The following RIN3 variants were observed in gnomAD, a reference collection of about 807,000 sequenced individuals.
The protein encoded by RIN3 is RAB5 interacting protein 3.
Under a neutral mutation model 76.3 loss-of-function variants are expected in RIN3, and 54 were observed. The ratio of observed to expected loss-of-function variants is 0.71; its 90% CI spans 0.57 to 0.89. RIN3 has a LOEUF of 0.89. Ranked by LOEUF, RIN3 falls within the 40% of genes least tolerant of loss-of-function variation. The pLI, the probability that RIN3 is intolerant of heterozygous loss-of-function variation, is 0.00. For synonymous variants in RIN3, 576 were observed against 564.0 expected, an observed-to-expected ratio of 1.02 and a Z score of -0.30; for missense variants, 1,256 against 1,322.1, an observed-to-expected ratio of 0.95 and a Z score of 0.78.
intron 3 of RIN3, among the ~76,000 whole-genome samples, chr14:92,580,753 G>A (rs1898408775): frequency 6.6e-6 from 1 of 152,218 alleles, no homozygotes; most frequent in South Asian, 2.1e-4. Context: ...GGGGGAAAGA[G>A]CATGGAGAAG....
intron 2 of RIN3, among the ~76,000 whole-genome samples, chr14:92,573,848 A>G (rs1008303099): frequency 7.2e-5 from 11 of 152,180 alleles, no homozygotes; most frequent in Non-Finnish European, 1.2e-4. Flanking sequence ...GAAATACACC[A>G]TGTCCTGGTG....
In RIN3 at chr14:92,513,962, C is replaced by A; in HGVS notation, c.30C>A (p.Arg10=). The A allele has an allele frequency of 1.6e-6, 2 of 1,243,350 alleles. No individual in the cohort carries two copies. Among genetic ancestry groups the A allele is most frequent in the Non-Finnish European group, 2.0e-6 (2 of 993,954 alleles). The allele number at this position is 1,243,350 out of a possible 1,614,324, so 77.0% of individuals were successfully genotyped here. A position where few individuals can be genotyped will look rare whatever the true frequency, so the allele number is the denominator to read the frequency against. ...TCCGACACGCCGGGGCGCCCGCGCG[C>A]GGGGACCCCACGGGGTAAGTCCGGG... MIRHAGAPA[R]GDPTGPVPVV... The change falls in exon 1 of 10, where the codon CGC becomes CGA. Residue 10 remains arginine (R), a synonymous_variant. Coordinates refer to ENST00000216487, the MANE Select transcript of RIN3 (RefSeq NM_024832.5).
Position 92,636,540 on chromosome 14 carries a change from T to C in RIN3, c.441-4698T>C, listed in dbSNP as rs563870337. ...TGGAGGTTGCAGTGAGCCCAGATCA[T>C]GTCATTGTACTCCAGCCTGGGTGAC... On this transcript the variant is annotated intron_variant, in intron 4 of 9. Transcript: ENST00000216487. Among the ~76,000 whole-genome samples, 3 of 152,206 alleles carry C rather than the reference T, an allele frequency of 2.0e-5. No individual in the cohort carries two copies. The East Asian group carries it at 5.8e-4, about 29-fold the overall frequency.
At chr14:92,584,159 T>G (rs1259350482) in intron 3 of RIN3, among the ~76,000 whole-genome samples, 1 of 151,834 alleles carries the variant, frequency 6.6e-6, no homozygotes, top group Non-Finnish European at 1.5e-5. Context: ...TCTGAGGGGG[T>G]GGGGGGGTCT....
At chr14:92,581,389 GCTGTGCTC>G (rs930957365) in intron 3 of RIN3, among the ~76,000 whole-genome samples, 2 of 152,342 alleles carry the variant, frequency 1.3e-5, no homozygotes, top group African/African-American at 4.8e-5. Context: ...CCAAGAGCCA[GCTGTGCTC>G]TTGAATTTCC....
At chr14:92,649,922 C>T (rs771592254) in intron 5 of RIN3, among the ~76,000 whole-genome samples, 10 of 152,178 alleles carry the variant, frequency 6.6e-5, no homozygotes, top group South Asian at 2.1e-4. Context: ...GGTCGCAGTT[C>T]ACTTCCGGTC....
intron 2 of RIN3, among the ~76,000 whole-genome samples, chr14:92,559,748 G>A (rs1897709548): frequency 6.6e-6 from 1 of 152,232 alleles, no homozygotes; most frequent in South Asian, 2.1e-4. Context: ...AGCTGACAGA[G>A]TCTGCTGGAG....
At chr14:92,635,720 G>A (rs984958651) in intron 4 of RIN3, among the ~76,000 whole-genome samples, 3 of 152,074 alleles carry the variant, frequency 2.0e-5, no homozygotes, top group African/African-American at 7.2e-5. Flanking sequence ...GGGCATGGTG[G>A]TGCACACCTG....
chr14:92,664,036 C>T (rs908585197), intron 7 of RIN3, among the ~76,000 whole-genome samples: 9 of 152,088 alleles, frequency 5.9e-5, no homozygotes, highest in African/African-American at 1.4e-4. Context: ...GGAACAGCTG[C>T]CTCCCAGCCA....
At chr14:92,516,480 C>T (rs2139986696) in intron 1 of RIN3, among the ~76,000 whole-genome samples, 1 of 152,308 alleles carries the variant, frequency 6.6e-6, no homozygotes, top group South Asian at 2.1e-4. Flanking sequence ...ACCTTGGCTT[C>T]CTGGATTCAA....
At chr14:92,675,179 A>C (rs1888419044) in intron 7 of RIN3, among the ~76,000 whole-genome samples, 1 of 152,250 alleles carries the variant, frequency 6.6e-6, no homozygotes, top group African/African-American at 2.4e-5. Flanking sequence ...GCCAGCAGGA[A>C]ACTCAAAGCC....
intron 6 of RIN3, among the ~76,000 whole-genome samples, chr14:92,655,049 C>G: frequency 6.6e-6 from 1 of 152,110 alleles, no homozygotes; most frequent in East Asian, 1.9e-4. Context: ...CCTGTAATCC[C>G]AGCTACTCGG....
intron 4 of RIN3, among the ~76,000 whole-genome samples, chr14:92,625,288 T>G (rs949321677): frequency 6.6e-6 from 1 of 152,182 alleles, no homozygotes; most frequent in African/African-American, 2.4e-5. Flanking sequence ...AGATGATTTT[T>G]TAAAGTCTGA....
In RIN3 at chr14:92,516,872, A is replaced by G. The variant is rs185110465; in HGVS notation, c.44+2896A>G. On this transcript the variant is annotated intron_variant, in intron 1 of 9. Coordinates refer to ENST00000216487, the MANE Select transcript of RIN3 (RefSeq NM_024832.5). ...GCATTTTAACCCAGGAGATACAGAAATCAAAACTGGAAACCTACCAGGAAT... is the reference window on the plus strand; with the variant it reads ...GCATTTTAACCCAGGAGATACAGAAGTCAAAACTGGAAACCTACCAGGAAT... 5.6e-4 allele frequency among the ~76,000 whole-genome samples: 85 copies of G among 152,340 alleles called. 2 individuals are homozygous for G. The Middle Eastern group carries it at 0.02, about 37-fold the overall frequency.
intron 1 of RIN3, 38 bp from the exon 2 acceptor site, chr14:92,555,713 G>T: frequency 6.2e-7 from 1 of 1,603,754 alleles, no homozygotes; most frequent in Non-Finnish European, 8.5e-7. Context: ...TCTCTGGGCT[G>T]GCTGCAGGAT....
Position 92,656,240 on chromosome 14 carries a change from G to T in RIN3, c.2027-2921G>T, listed in dbSNP as rs1887661704. Among the ~76,000 whole-genome samples the T allele has an allele frequency of 6.6e-6, 1 of 152,206 alleles. No homozygotes were observed. The highest frequency in any genetic ancestry group is 2.4e-5 in the African/African-American group (1 of 41,446). On this transcript the variant is annotated intron_variant, in intron 6 of 9. Transcript: ENST00000216487. This position sits in a 1 kb window ranked among gnomAD's most constrained non-coding sequence, Gnocchi z 5.2. ...TGGAAGGACTTTCCTTCCGGAAAGGGATGACAGCGTGGACAAAGGCCGAGA... is the reference window on the plus strand; with the variant it reads ...TGGAAGGACTTTCCTTCCGGAAAGGTATGACAGCGTGGACAAAGGCCGAGA...
rs1275778203 is a variant in RIN3, at chr14:92,561,036, A to T, written c.249+5081A>T. Among the ~76,000 whole-genome samples, 2 of 16,620 alleles carry T rather than the reference A, an allele frequency of 1.2e-4. 1 individual carries two copies. The highest frequency in any genetic ancestry group is 2.7e-4 in the Non-Finnish European group (2 of 7,348). The allele number at this position is 16,620 out of a possible 152,430, so 10.9% of individuals were successfully genotyped here. A position where few individuals can be genotyped will look rare whatever the true frequency, so the allele number is the denominator to read the frequency against. ...AACTCTGTCTAAAAAAAAAAAAAAA[A>T]AAAAAAAAATATATATATATCTGCC... is the stretch of plus-strand genomic sequence containing the variant. On this transcript the variant is annotated intron_variant, in intron 2 of 9. Coordinates refer to ENST00000216487, the MANE Select transcript of RIN3 (RefSeq NM_024832.5).
At chr14:92,564,066 C>G (rs1327102014) in intron 2 of RIN3, among the ~76,000 whole-genome samples, 1 of 152,192 alleles carries the variant, frequency 6.6e-6, no homozygotes, top group East Asian at 1.9e-4. Flanking sequence ...TCTATTTCTG[C>G]CCTAATGGGC....
intron 1 of RIN3, among the ~76,000 whole-genome samples, chr14:92,534,020 A>G (rs1896940268): frequency 6.6e-6 from 1 of 152,184 alleles, no homozygotes; most frequent in Non-Finnish European, 1.5e-5. Context: ...ACCAGAAGCT[A>G]GGAAAACCCC....
Sources: gnomAD v4.1 joint callset for allele counts (sites outside exome capture counted in the v4.1 genomes callset) on GRCh38, gnomAD v4.1.1 for gene constraint, Gnocchi (gnomAD v3.1) non-coding constraint, MANE v1.5 for transcripts, NCBI Gene and HGNC (gene_info 2026-07-23, HGNC 2026-07-21) for gene names.